The following SREBF2 variants were observed in gnomAD, a reference collection of about 807,000 sequenced individuals.
SREBF2 encodes the protein sterol regulatory element-binding protein 2.
SREBF2 carries 55 observed loss-of-function variants against 113.1 expected under a neutral mutation model. The observed-to-expected ratio is 0.49, with a 90% CI of 0.39 to 0.61. SREBF2 has a LOEUF of 0.61. Ranked by LOEUF, SREBF2 falls within the 20% of genes least tolerant of loss-of-function variation. SREBF2 has a pLI of 0.00. For synonymous variants in SREBF2, 593 were observed against 605.7 expected (o/e 0.98, Z 0.31); for missense variants, 1,349 against 1,487.4 (o/e 0.91, Z 1.53).
intron 15 of SREBF2, chr22:41,900,050 C>T: frequency 7.3e-7 from 1 of 1,362,562 alleles, no homozygotes; most frequent in Non-Finnish European, 9.5e-7. Context: ...GTTGGAATGA[C>T]TATCTTGGGT....
In SREBF2 at chr22:41,877,960, A is replaced by C. The variant is rs1320687085; in HGVS notation, c.1598A>C (p.Asp533Ala). ...SFESGSGGWF[D>A]WMMPTLLLWL... The stretch of plus-strand genomic sequence containing the variant: ...TTCTTAGGTTCTGGGGGCTGGTTTG[A>C]CTGGATGATGCCTACTCTTCTCTTA... The change falls in exon 9 of 19, where the codon GAC (aspartate) becomes GCC (alanine). Residue 533 changes from aspartate to alanine, a missense_variant. Physicochemically the swap from Asp to Ala is moderately radical, Grantham distance 126. Transcript: ENST00000361204. 1 of 1,613,928 alleles carries C rather than the reference A, an allele frequency of 6.2e-7. No individual in the cohort carries two copies. Among genetic ancestry groups the C allele is most frequent in the Non-Finnish European group, 8.5e-7 (1 of 1,180,020 alleles).
chr22:41,898,400 G>A (rs1170354686), intron 14 of SREBF2, among the ~76,000 whole-genome samples: 2 of 152,236 alleles, frequency 1.3e-5, no homozygotes, highest in Non-Finnish European at 2.9e-5. Flanking sequence ...TTACAGGCGT[G>A]AGCCACCGCG....
intron 9 of SREBF2, 142 bp from the exon 10 acceptor site, chr22:41,880,574 T>G: frequency 9.0e-7 from 1 of 1,111,484 alleles, no homozygotes; most frequent in Non-Finnish European, 1.4e-6. Context: ...TTTACTTTCT[T>G]GTAGCTTTCT....
rs10588397 is a variant in SREBF2 at position 41,839,956 on chromosome 22, CTTTTTTTTTT to C, written c.88+6610_88+6619del. Among the ~76,000 whole-genome samples the C allele has an allele frequency of 3.4e-5, 4 of 117,594 alleles. No homozygotes were observed. In the South Asian group the frequency reaches 8.2e-4, roughly 24 times the overall value. 77.1% of individuals were successfully genotyped at this position (117,594 alleles called of 152,430 possible). On this transcript the variant is annotated intron_variant, in intron 1 of 18. Coordinates refer to ENST00000361204, the MANE Select transcript of SREBF2 (RefSeq NM_004599.4). ...TCCCATTTATTCACATGCTTAGTTT[CTTTTTTTTTT>C]TTTTTTTTTTTGAGACGGAGTCTCA...
At chr22:41,870,026 T>C (rs546056424) in intron 3 of SREBF2, among the ~76,000 whole-genome samples, 43 of 152,246 alleles carry the variant, frequency 2.8e-4, no homozygotes, top group Non-Finnish European at 5.3e-4. Context: ...CAGCTAATTT[T>C]TGTATTTTTA....
rs979049536 is a variant in SREBF2, at chr22:41,871,120, G to A, written c.867+85G>A. On this transcript the variant is annotated intron_variant, in intron 4 of 18. Transcript: ENST00000361204. ...CTTCAGAGATGTTAAATCTCTATAT[G>A]CTGAGTAGGTATGGGAGGGTCTATA... 51 of 1,564,594 alleles carry A rather than the reference G, an allele frequency of 3.3e-5. No individual in the cohort carries two copies. In the African/African-American group the frequency reaches 6.5e-4, roughly 20 times the overall value.
chr22:41,866,999 C>T lies in SREBF2; in HGVS notation c.257C>T (p.Pro86Leu). Residue 86 changes from proline (P) to leucine (L), a missense_variant, in exon 2 of 19, where the codon CCT becomes CTT. Pro to Leu is a moderately conservative substitution (Grantham distance 98). This residue lies in a region of SREBF2 where 699 missense variants were observed against 843.3 expected (regional missense o/e 0.83). Transcript: ENST00000361204. ...GGCAGCAGCAGCGGAGCTGTGGACC[C>T]TTCAGTGCAACGGTCATTCACCCAG... ...GRGSSSGAVD[P>L]SVQRSFTQVT... is the part of the protein sequence containing the mutation. 6.2e-7 allele frequency: 1 copy of T among 1,613,988 alleles called. No homozygotes were observed. Among genetic ancestry groups the T allele is most frequent in the South Asian group, 1.1e-5 (1 of 91,074 alleles).
In SREBF2 at chr22:41,833,429, C is replaced by A; in HGVS notation, c.88+71C>A. The A allele has an allele frequency of 7.3e-7, 1 of 1,360,962 alleles. No individual in the cohort carries two copies. The highest frequency in any genetic ancestry group is 1.0e-6 in the Non-Finnish European group (1 of 995,950). The allele number at this position is 1,360,962 out of a possible 1,614,324, so 84.3% of individuals were successfully genotyped here. On this transcript the variant is annotated intron_variant, in intron 1 of 18. Coordinates refer to ENST00000361204, the MANE Select transcript of SREBF2 (RefSeq NM_004599.4). The surrounding 1 kb of genome is among the most constrained non-coding windows in gnomAD (Gnocchi z 4.1). ...GGGGTTACGGCGGCGCGCCCGGGTG[C>A]GCGTGCGCCCACCCCCCGACAGCCC...
intron 10 of SREBF2, 35 bp from the exon 11 acceptor site, chr22:41,884,807 C>T (rs772492765): frequency 2.5e-6 from 4 of 1,613,720 alleles, no homozygotes; most frequent in African/African-American, 1.3e-5. Flanking sequence ...TTTTGGGGCT[C>T]CATCAACAAT....
At chr22:41,864,259 T>TACACACACAC (rs1388382956) in intron 1 of SREBF2, among the ~76,000 whole-genome samples, 16 of 65,228 alleles carry the variant, frequency 2.5e-4, no homozygotes, top group African/African-American at 7.7e-4. Context: ...TATATATATA[T>TACACACACAC]ATACACACAC....
intron 1 of SREBF2, among the ~76,000 whole-genome samples, chr22:41,857,631 G>A (rs532802077): frequency 2.0e-5 from 3 of 152,178 alleles, no homozygotes; most frequent in Non-Finnish European, 2.9e-5. Flanking sequence ...GCCAGTAAAA[G>A]AGTTCACTCA....
At chr22:41,894,397 A>G (rs368733016) in intron 12 of SREBF2, among the ~76,000 whole-genome samples, 22 of 152,340 alleles carry the variant, frequency 1.4e-4, no homozygotes, top group African/African-American at 5.3e-4. Context: ...AAACCGGAGC[A>G]TGTTCTTCGT....
At chr22:41,851,580 A>C (rs1158624867) in intron 1 of SREBF2, among the ~76,000 whole-genome samples, 1 of 151,136 alleles carries the variant, frequency 6.6e-6, no homozygotes, top group Non-Finnish European at 1.5e-5. Flanking sequence ...TGCAACCTCC[A>C]CCTCCCGGGT....
At chr22:41,849,570 A>C (rs942404712) in intron 1 of SREBF2, among the ~76,000 whole-genome samples, 8 of 152,226 alleles carry the variant, frequency 5.3e-5, no homozygotes, top group Non-Finnish European at 8.8e-5. Flanking sequence ...TCTGGCACAT[A>C]GTAGGATCTC....
chr22:41,845,417 C>T (rs1223681182), intron 1 of SREBF2, among the ~76,000 whole-genome samples: 1 of 152,188 alleles, frequency 6.6e-6, no homozygotes, highest in Non-Finnish European at 1.5e-5. Context: ...GGAAGCCTGT[C>T]TGTCTAGGAG....
chr22:41,867,634 A>G lies in SREBF2; in HGVS notation c.538+354A>G, dbSNP rs563230287. On this transcript the variant is annotated intron_variant, in intron 2 of 18. Coordinates refer to ENST00000361204, the MANE Select transcript of SREBF2 (RefSeq NM_004599.4). ...ATCCTGGCTAACTCAGTGAAACCCC[A>G]TCTCTACTAAAAAATAGAAAAAATT... Among the ~76,000 whole-genome samples the G allele has an allele frequency of 9.9e-5, 15 of 152,256 alleles. 1 individual carries two copies. Among genetic ancestry groups the G allele is most frequent in the East Asian group, 5.8e-4 (3 of 5,176 alleles).
chr22:41,878,745 A>G (rs962778945), intron 9 of SREBF2: 20 of 1,304,028 alleles, frequency 1.5e-5, no homozygotes, highest in Non-Finnish European at 1.9e-5. Context: ...GAACCAGAAC[A>G]CTCCTCAGCA....
intron 1 of SREBF2, among the ~76,000 whole-genome samples, chr22:41,852,469 C>A (rs1425060268): frequency 6.6e-6 from 1 of 152,124 alleles, no homozygotes; most frequent in African/African-American, 2.4e-5. Flanking sequence ...TTTTTGACAT[C>A]TTGCCTTTCT....
rs767998583 is a variant in SREBF2, at chr22:41,877,931, C to T, written c.1580-11C>T. Reference sequence around the variant, plus strand: ...TTTCCTAGCAGACTCTGCTGAGACGCTCCTTCTTAGGTTCTGGGGGCTGGT... The same window carrying T: ...TTTCCTAGCAGACTCTGCTGAGACGTTCCTTCTTAGGTTCTGGGGGCTGGT... On this transcript the variant is annotated splice_polypyrimidine_tract_variant and intron_variant, in intron 8 of 18. Coordinates refer to ENST00000361204, the MANE Select transcript of SREBF2 (RefSeq NM_004599.4). 7 of 1,614,206 alleles carry T rather than the reference C, an allele frequency of 4.3e-6. No homozygotes were observed. The highest frequency in any genetic ancestry group is 1.1e-5 in the South Asian group (1 of 91,078).
Sources: allele counts gnomAD v4.1 joint callset (sites outside exome capture counted in the v4.1 genomes callset), GRCh38; gene constraint gnomAD v4.1.1; regional missense constraint gnomAD v4.1.1; non-coding constraint Gnocchi (gnomAD v3.1); transcripts MANE v1.5; gene names NCBI Gene and HGNC (gene_info 2026-07-23, HGNC 2026-07-21).